Variants in IL1RAPL1 observed in about 807,000 individuals in gnomAD.
IL1RAPL1 encodes interleukin 1 receptor accessory protein like 1.
In IL1RAPL1, 3 loss-of-function variants were observed where a neutral mutation model predicts 48.4. The observed-to-expected ratio is 0.06, with a 90% CI of 0.03 to 0.16. The LOEUF is 0.16. Ranked by LOEUF, IL1RAPL1 falls within the 10% of genes least tolerant of loss-of-function variation. The pLI is 1.00. For synonymous variants in IL1RAPL1, 185 were observed against 187.7 expected, an observed-to-expected ratio of 0.99 and a Z score of 0.12; for missense variants, 349 against 530.6, an observed-to-expected ratio of 0.66 and a Z score of 3.36.
intron 1 of IL1RAPL1, among the ~76,000 whole-genome samples, chrX:28,662,634 T>C (rs184512297): frequency 9.0e-5 from 10 of 111,463 alleles, no homozygotes; most frequent in Non-Finnish European, 1.9e-4. Context: ...TGCTGGCTGA[T>C]TGGTTGGCTT....
intron 2 of IL1RAPL1, among the ~76,000 whole-genome samples, chrX:29,256,705 C>T (rs908958459): frequency 1.4e-4 from 16 of 111,079 alleles, no homozygotes; most frequent in Admixed American, 1.3e-3. Flanking sequence ...AGGACCTTAT[C>T]TATATAAATG....
chrX:29,886,471 G>T (rs1040085479), intron 6 of IL1RAPL1, among the ~76,000 whole-genome samples: 2 of 111,884 alleles, frequency 1.8e-5, no homozygotes, highest in African/African-American at 6.5e-5. Flanking sequence ...AGTAACTTTG[G>T]GGAAAAGTAG....
chrX:29,236,709 C>CCCG (rs1931313398), intron 2 of IL1RAPL1, among the ~76,000 whole-genome samples: 1 of 99,072 alleles, frequency 1.0e-5, no homozygotes, highest in African/African-American at 3.6e-5. Context: ...ACTACAGGCG[C>CCCG]CCACCACGCC....
rs188974826 is a variant in IL1RAPL1, at chrX:29,059,862, A to G, written c.83-223076A>G. Among the ~76,000 whole-genome samples, 11 of 111,763 alleles carry G rather than the reference A, an allele frequency of 9.8e-5. No individual in the cohort carries two copies. In the East Asian group the frequency reaches 3.1e-3, roughly 31 times the overall value. On this transcript the variant is annotated intron_variant, in intron 2 of 10. Transcript: ENST00000378993. ...TGGTCTTTTTTAAAAAAAGACTAAC[A>G]GGTCAAAGAAAAGGGGTTTAATGGA...
intron 6 of IL1RAPL1, among the ~76,000 whole-genome samples, chrX:29,894,977 C>A (rs1932350986): frequency 9.1e-6 from 1 of 109,374 alleles, no homozygotes; most frequent in Non-Finnish European, 1.9e-5. Flanking sequence ...CAGGCACCCA[C>A]AATGCCCGGC....
intron 1 of IL1RAPL1, among the ~76,000 whole-genome samples, chrX:28,763,042 C>T (rs1382074348): frequency 2.7e-5 from 3 of 111,436 alleles, no homozygotes; most frequent in Non-Finnish European, 5.6e-5. Flanking sequence ...CTCCATGTCT[C>T]CAAATTCAGA....
chrX:29,679,557 A>G (rs908167011), intron 6 of IL1RAPL1, among the ~76,000 whole-genome samples: 3 of 112,042 alleles, frequency 2.7e-5, no homozygotes, highest in Non-Finnish European at 3.8e-5. Context: ...GACTTAAACA[A>G]GATATTGTTC....
At chrX:29,688,731 T>TCTCTCTCTCC (rs1323582019) in intron 6 of IL1RAPL1, among the ~76,000 whole-genome samples, 774 of 61,773 alleles carry the variant, frequency 0.013, 11 homozygotes, top group African/African-American at 0.081. Flanking sequence ...GGGTTGCTTC[T>TCTCTCTCTCC]CTCTCTCTCT....
intron 6 of IL1RAPL1, among the ~76,000 whole-genome samples, chrX:29,879,357 ATGTGTGTGTGTGTGTG>A (rs370851302): frequency 1.9e-3 from 162 of 83,985 alleles, no homozygotes; most frequent in African/African-American, 6.7e-3. Context: ...AGTTTTATAT[ATGTGTGTGTGTGTGTG>A]TGTGTGTGTG....
At chrX:29,619,977 T>G (rs1429073510) in intron 5 of IL1RAPL1, among the ~76,000 whole-genome samples, 1 of 111,595 alleles carries the variant, frequency 9.0e-6, no homozygotes, top group African/African-American at 3.2e-5. Context: ...CATAAGTGAT[T>G]CATATATGGG....
chrX:29,609,448 T>C (rs1441005947), intron 5 of IL1RAPL1, among the ~76,000 whole-genome samples: 1 of 111,993 alleles, frequency 8.9e-6, no homozygotes, highest in Non-Finnish European at 1.9e-5. Context: ...GGTCAAGCTC[T>C]TCTCCACCTG....
At chrX:28,961,009 CAAAAAA>C (rs397947609) in intron 2 of IL1RAPL1, among the ~76,000 whole-genome samples, 8 of 17,481 alleles carry the variant, frequency 4.6e-4, no homozygotes, top group Non-Finnish European at 7.0e-4. Flanking sequence ...GACTCCGTCT[CAAAAAA>C]AAAAAAAAAA....
At chrX:29,131,379 C>G (rs1929018889) in intron 2 of IL1RAPL1, among the ~76,000 whole-genome samples, 1 of 110,302 alleles carries the variant, frequency 9.1e-6, no homozygotes, top group South Asian at 3.9e-4. Flanking sequence ...TTCTATTTCT[C>G]TTTACCTTAA....
At chrX:29,079,369 G>A (rs757953645) in intron 2 of IL1RAPL1, among the ~76,000 whole-genome samples, 8 of 111,347 alleles carry the variant, frequency 7.2e-5, no homozygotes, top group Admixed American at 1.9e-4. Context: ...TGTCTAACAG[G>A]CAGAGGTAAT....
At chrX:29,233,652 G>A (rs1245129205) in intron 2 of IL1RAPL1, among the ~76,000 whole-genome samples, 1 of 111,089 alleles carries the variant, frequency 9.0e-6, no homozygotes, top group Non-Finnish European at 1.9e-5. Context: ...CTTCCCTTGA[G>A]TGTGTATGAG....
intron 6 of IL1RAPL1, among the ~76,000 whole-genome samples, chrX:29,706,673 A>G (rs1294742628): frequency 8.9e-6 from 1 of 111,799 alleles, no homozygotes. Flanking sequence ...TGTTTGACAA[A>G]CCCAACAAAA....
chrX:28,810,806 C>T lies in IL1RAPL1; in HGVS notation c.82+21381C>T, dbSNP rs1413918107. On this transcript the variant is annotated intron_variant, in intron 2 of 10. Transcript: ENST00000378993. ...CACAACCCCATATTTCTCATGCCCA[C>T]TGTCCTATGAGATCTATTATGCTGT... Among the ~76,000 whole-genome samples the T allele has an allele frequency of 2.7e-5, 3 of 109,945 alleles. No individual in the cohort carries two copies. The East Asian group carries it at 8.6e-4, about 31-fold the overall frequency.
chrX:28,688,734 T>A (rs1459724207), intron 1 of IL1RAPL1, among the ~76,000 whole-genome samples: 1 of 111,697 alleles, frequency 9.0e-6, no homozygotes, highest in East Asian at 2.8e-4. Flanking sequence ...TCATGCTGCT[T>A]ATTTGGTTCG....
At chrX:29,547,187 AT>A (rs1218242355) in intron 5 of IL1RAPL1, among the ~76,000 whole-genome samples, 7 of 111,780 alleles carry the variant, frequency 6.3e-5, no homozygotes, top group South Asian at 7.4e-4. Context: ...TTCAATTAAA[AT>A]TTTTTTATAA....
Sources: allele counts gnomAD v4.1 joint callset (sites outside exome capture counted in the v4.1 genomes callset), GRCh38; gene constraint gnomAD v4.1.1; transcripts MANE v1.5; gene names NCBI Gene and HGNC (gene_info 2026-07-23, HGNC 2026-07-21).